PIGN: variants seen among roughly 807,000 people sequenced by gnomAD.
PIGN encodes the protein GPI ethanolamine phosphate transferase 1.
PIGN carries 117 observed loss-of-function variants against 125.4 expected under a neutral mutation model. The ratio of observed to expected loss-of-function variants is 0.93; its 90% CI spans 0.80 to 1.09. The LOEUF (loss-of-function observed/expected upper bound fraction) is 1.09. Among genes scored for constraint, PIGN ranks in the 50% least tolerant of loss-of-function variants. The pLI is 0.00. For synonymous variants in PIGN, 392 were observed against 377.8 expected, an observed-to-expected ratio of 1.04 and a Z score of -0.44; for missense variants, 1,075 against 1,094.9, an observed-to-expected ratio of 0.98 and a Z score of 0.26.
intron 30 of PIGN, among the ~76,000 whole-genome samples, chr18:62,060,166 A>G (rs1041196266): frequency 3.3e-5 from 5 of 152,342 alleles, no homozygotes; most frequent in African/African-American, 7.2e-5. Context: ...TCTTGCATCA[A>G]TCAAGTCTTG....
chr18:62,077,965 G>A (rs1220447862), intron 28 of PIGN, among the ~76,000 whole-genome samples: 1 of 152,106 alleles, frequency 6.6e-6, no homozygotes, highest in African/African-American at 2.4e-5. Context: ...TTCTGTGTTT[G>A]ACTGTGTCTT....
In PIGN at chr18:62,161,174, G is replaced by A. The variant is rs756876033; in HGVS notation, c.180C>T (p.Tyr60=). 4.3e-6 allele frequency: 7 copies of A among 1,613,272 alleles called. No homozygotes were observed. The highest frequency in any genetic ancestry group is 3.3e-5 in the South Asian group (3 of 91,026). ...TAGAGTTTCCATTTTCATCTAATTC[G>A]TAAAGTGCATCTGCTCGAAGGCCAT... ...VADGLRADAL[Y]ELDENGNSRA... is the part of the protein sequence containing the mutation. The change falls in exon 4 of 31, where the codon TAC becomes TAT. Residue 60 remains tyrosine, a synonymous_variant. Transcript: ENST00000640252.
At chr18:62,181,969 A>AAAGTGGAT (rs1234061881) in intron 1 of PIGN, among the ~76,000 whole-genome samples, 2 of 152,052 alleles carry the variant, frequency 1.3e-5, no homozygotes, top group African/African-American at 4.8e-5. Flanking sequence ...CAGGTGATCC[A>AAAGTGGAT]CCTACCTCAT....
chr18:62,072,632 T>C (rs1241334581), intron 30 of PIGN, 41 bp downstream of exon 30: 3 of 1,462,520 alleles, frequency 2.1e-6, no homozygotes, highest in African/African-American at 1.4e-5. Flanking sequence ...TCTCAGAACT[T>C]ATCCCTGTTG....
intron 14 of PIGN, among the ~76,000 whole-genome samples, chr18:62,127,513 C>T (rs958802528): frequency 2.6e-5 from 4 of 152,046 alleles, no homozygotes; most frequent in African/African-American, 4.8e-5. Context: ...TAACAGTACC[C>T]GCCATATCAG....
intron 1 of PIGN, among the ~76,000 whole-genome samples, chr18:62,177,794 C>A (rs952461770): frequency 1.3e-5 from 2 of 152,158 alleles, no homozygotes; most frequent in African/African-American, 4.8e-5. Flanking sequence ...TCTTACTGAT[C>A]AGCCAATGGC....
At chr18:62,060,445 G>A (rs1031259692) in intron 30 of PIGN, among the ~76,000 whole-genome samples, 1 of 152,184 alleles carries the variant, frequency 6.6e-6, no homozygotes, top group Non-Finnish European at 1.5e-5. Flanking sequence ...GGTCATACCT[G>A]TTCAATGTAC....
At chr18:62,167,655 C>T (rs1335282374) in intron 1 of PIGN, among the ~76,000 whole-genome samples, 2 of 129,634 alleles carry the variant, frequency 1.5e-5, no homozygotes, top group Non-Finnish European at 1.7e-5. Context: ...AAAAAAAAAA[C>T]AAAGTTATAT....
At chr18:62,058,345 C>T (rs933838646) in intron 30 of PIGN, among the ~76,000 whole-genome samples, 11 of 152,106 alleles carry the variant, frequency 7.2e-5, no homozygotes. Context: ...TGTGGCTGTG[C>T]AGCTGTGACT....
chr18:62,161,586 C>T (rs189218631), intron 3 of PIGN, among the ~76,000 whole-genome samples: 1 of 152,152 alleles, frequency 6.6e-6, no homozygotes, highest in East Asian at 1.9e-4. Context: ...TAATAAAGTA[C>T]ATCTAAGCAA....
At chr18:62,054,478 T>C (rs1441506411) in intron 30 of PIGN, among the ~76,000 whole-genome samples, 8 of 150,808 alleles carry the variant, frequency 5.3e-5, no homozygotes, top group African/African-American at 1.7e-4. Context: ...CAAAATACTT[T>C]TTTTTTTCCT....
chr18:62,019,552 A>G (rs1023364491), intron 23 of PIGN, among the ~76,000 whole-genome samples: 6 of 152,212 alleles, frequency 3.9e-5, no homozygotes, highest in African/African-American at 1.4e-4. Flanking sequence ...ATCCACCTTA[A>G]TAACCCTTTT....
chr18:62,154,140 A>G (rs972539493), intron 7 of PIGN: 3 of 198,526 alleles, frequency 1.5e-5, no homozygotes, highest in Admixed American at 6.0e-5. Context: ...TCTTTAAAGT[A>G]TTTTTTAAAA....
rs993080302 is a variant in PIGN, at chr18:62,090,225, T to A, written c.2283+251A>T. ...ATTCCTTCACTTATATTGACTTTTT[T>A]AAATCAATGATCCTCAAGTAATCAC... is the stretch of plus-strand genomic sequence containing the variant. On this transcript the variant is annotated intron_variant, in intron 24 of 30. Coordinates refer to ENST00000640252, the MANE Select transcript of PIGN (RefSeq NM_176787.5). Among the ~76,000 whole-genome samples, 17 of 152,158 alleles carry A rather than the reference T, an allele frequency of 1.1e-4. 3 individuals are homozygous for A. The highest frequency in any genetic ancestry group is 9.2e-4 in the Admixed American group (14 of 15,276).
chr18:62,019,565 C>T (rs2030026330), intron 23 of PIGN, among the ~76,000 whole-genome samples: 1 of 152,134 alleles, frequency 6.6e-6, no homozygotes. Flanking sequence ...ACCCTTTTAC[C>T]TAAAAATCTC....
At chr18:62,163,176 C>A (rs1399947415) in intron 2 of PIGN, among the ~76,000 whole-genome samples, 1 of 152,088 alleles carries the variant, frequency 6.6e-6, no homozygotes, top group Non-Finnish European at 1.5e-5. Flanking sequence ...TTCCTACTTA[C>A]AGTTCTTCAT....
At chr18:62,088,963 A>T in intron 24 of PIGN, 121 bp from the exon 25 acceptor site, 1 of 584,354 alleles carries the variant, frequency 1.7e-6, no homozygotes, top group Non-Finnish European at 3.0e-6. Flanking sequence ...TGACAAAAAA[A>T]TAAACAATAA....
Position 62,043,941 on chromosome 18 carries a change from T to C in PIGN, c.*1915A>G, listed in dbSNP as rs2030481738. The C allele has an allele frequency of 6.6e-6, 1 of 152,232 alleles. No homozygotes were observed. The highest frequency in any genetic ancestry group is 2.4e-5 in the African/African-American group (1 of 41,460). The allele number at this position is 152,232 out of a possible 1,614,324, so 9.4% of individuals were successfully genotyped here. On this transcript the variant is annotated 3_prime_UTR_variant, in exon 31 of 31. Transcript: ENST00000640252. Reference sequence around the variant, plus strand: ...ACTTTTTCCCTAACTCGTTTCTTTTTTCTGTTTTGCAACATAAAAATATAC... The same window carrying C: ...ACTTTTTCCCTAACTCGTTTCTTTTCTCTGTTTTGCAACATAAAAATATAC...
chr18:62,177,993 T>G (rs903001794), intron 1 of PIGN, among the ~76,000 whole-genome samples: 2 of 152,116 alleles, frequency 1.3e-5, no homozygotes, highest in African/African-American at 4.8e-5. Flanking sequence ...CCTCTCAGGA[T>G]CTTTCTGGGA....
Sources: gnomAD v4.1 joint callset for allele counts (sites outside exome capture counted in the v4.1 genomes callset) on GRCh38, gnomAD v4.1.1 for gene constraint, MANE v1.5 for transcripts, NCBI Gene and HGNC (gene_info 2026-07-23, HGNC 2026-07-21) for gene names.